ULK4: variants seen among roughly 807,000 people sequenced by gnomAD.
ULK4 encodes inactive serine/threonine-protein kinase ULK4.
A neutral mutation model predicts 160.6 loss-of-function variants in ULK4; 133 were observed. The observed-to-expected ratio is 0.83, with a 90% CI of 0.72 to 0.96. The LOEUF (loss-of-function observed/expected upper bound fraction) is 0.96. Ranked by LOEUF, ULK4 falls within the 40% of genes least tolerant of loss-of-function variation. The probability of loss-of-function intolerance (pLI) is 0.00; values close to 1 mark genes in which losing one functional copy is unlikely to be tolerated. For synonymous variants in ULK4, 534 were observed against 539.8 expected (o/e 0.99, Z 0.15); for missense variants, 1,580 against 1,499.5 (o/e 1.05, Z -0.89).
At position 41,883,921 on chromosome 3, in the gene ULK4, G is replaced by A. The variant is rs1432974073; in HGVS notation, c.1609C>T (p.Leu537=). The A allele has an allele frequency of 6.2e-7, 1 of 1,610,926 alleles. No individual in the cohort carries two copies. The highest frequency in any genetic ancestry group is 8.5e-7 in the Non-Finnish European group (1 of 1,176,970). The part of the protein sequence containing the change: ...RAKVAHVIGL[L]ASHTAELQEN... ...TGGAGCTCAGCTGTGTGCGAAGCCAGTAAACCAATTACGTGAGCAACCTTG... is the reference window on the plus strand; with the variant it reads ...TGGAGCTCAGCTGTGTGCGAAGCCAATAAACCAATTACGTGAGCAACCTTG... Residue 537 remains leucine, a synonymous_variant, in exon 17 of 37, where the codon CTG becomes TTG. Transcript: ENST00000301831.
chr3:41,375,407 G>T (rs555164638), intron 35 of ULK4, among the ~76,000 whole-genome samples: 1 of 149,730 alleles, frequency 6.7e-6, no homozygotes, highest in African/African-American at 2.5e-5. Flanking sequence ...ACCCAAAACG[G>T]CATGGTACTG....
At chr3:41,742,837 G>GTA (rs1205627530) in intron 22 of ULK4, among the ~76,000 whole-genome samples, 1 of 151,800 alleles carries the variant, frequency 6.6e-6, no homozygotes, top group African/African-American at 2.4e-5. Flanking sequence ...AAACCTCACT[G>GTA]GATAAGCTCA....
At position 41,716,309 on chromosome 3, in the gene ULK4, T is replaced by C. The variant is rs1185694993; in HGVS notation, c.2456-741A>G. Among the ~76,000 whole-genome samples, 6 of 150,430 alleles carry C rather than the reference T, an allele frequency of 4.0e-5. No homozygotes were observed. In the East Asian group the frequency reaches 9.7e-4, roughly 24 times the overall value. On this transcript the variant is annotated intron_variant, in intron 23 of 36. Transcript: ENST00000301831. ...CAACTATCAAAAAAAAGAGAATAGG[T>C]TGGAGGTAAAAAGAGGTCAATTCCC...
In ULK4 at chr3:41,901,169, C is replaced by CTTTTTTT. The variant is rs756499023; in HGVS notation, c.1183-341_1183-340insAAAAAAA. On this transcript the variant is annotated intron_variant, in intron 12 of 36. Transcript: ENST00000301831. ...AATTGGTTTTTCCATAACAGCATGG[C>CTTTTTTT]TTCTTTTTTTTTTTTTTTTTTTTTT... Among the ~76,000 whole-genome samples, 544 of 95,478 alleles carry CTTTTTTT rather than the reference C, an allele frequency of 5.7e-3. 20 individuals are homozygous for CTTTTTTT. The highest frequency in any genetic ancestry group is 8.1e-3 in the Non-Finnish European group (364 of 44,750). 62.6% of individuals were successfully genotyped at this position (95,478 alleles called of 152,430 possible). A position where few individuals can be genotyped will look rare whatever the true frequency, so the allele number is the denominator to read the frequency against.
chr3:41,849,317 T>C (rs1254951701), intron 17 of ULK4, among the ~76,000 whole-genome samples: 2 of 152,180 alleles, frequency 1.3e-5, no homozygotes, highest in East Asian at 3.8e-4. Context: ...AGAGAAGCAT[T>C]TGTATAGCAG....
intron 35 of ULK4, among the ~76,000 whole-genome samples, chr3:41,330,954 T>C (rs961674327): frequency 3.3e-5 from 5 of 152,192 alleles, no homozygotes; most frequent in African/African-American, 7.2e-5. Flanking sequence ...GCATTTGGCA[T>C]TGCAGTTTCC....
intron 17 of ULK4, among the ~76,000 whole-genome samples, chr3:41,872,516 T>G (rs1697134376): frequency 6.6e-6 from 1 of 152,176 alleles, no homozygotes; most frequent in East Asian, 1.9e-4. Flanking sequence ...ATGCCCTTGG[T>G]GTGAACTTAG....
chr3:41,306,142 C>G (rs1208431158), intron 35 of ULK4, among the ~76,000 whole-genome samples: 1 of 80,116 alleles, frequency 1.2e-5, no homozygotes, highest in Non-Finnish European at 2.5e-5. Context: ...GGGGGGGGGT[C>G]AGCCCCCCGC....
intron 31 of ULK4, among the ~76,000 whole-genome samples, chr3:41,603,801 A>T (rs1404679950): frequency 3.9e-5 from 6 of 152,150 alleles, no homozygotes; most frequent in African/African-American, 1.2e-4. Context: ...CAAAATAAAA[A>T]ATTTAAGAAA....
intron 35 of ULK4, among the ~76,000 whole-genome samples, chr3:41,360,249 TAAA>T: frequency 6.6e-6 from 1 of 152,246 alleles, no homozygotes; most frequent in Middle Eastern, 3.4e-3. Flanking sequence ...TGGCTACTAT[TAAA>T]AAGTCAAAAA....
chr3:41,508,363 G>A lies in ULK4; in HGVS notation c.3227-45110C>T, dbSNP rs372783408. 3.3e-4 allele frequency among the ~76,000 whole-genome samples: 51 copies of A among 152,252 alleles called. No individual in the cohort carries two copies. In the East Asian group the frequency reaches 8.1e-3, roughly 24 times the overall value. ...TCTTTCTCTGCCCACCCTGGTTGCT[G>A]AAAACAAAGGATATAATCTCTTGGG... On this transcript the variant is annotated intron_variant, in intron 32 of 36. Transcript: ENST00000301831.
intron 30 of ULK4, among the ~76,000 whole-genome samples, chr3:41,642,326 C>G (rs975601499): frequency 7.9e-5 from 12 of 152,056 alleles, no homozygotes; most frequent in African/African-American, 2.9e-4. Flanking sequence ...TCTCCTAATG[C>G]TATCCCTCCC....
intron 17 of ULK4, chr3:41,882,327 C>T (rs2125701996): frequency 1.4e-6 from 1 of 701,184 alleles, no homozygotes; most frequent in East Asian, 2.7e-5. Context: ...GGTGGTGATA[C>T]ATGCTGTGAA....
chr3:41,786,807 A>AGT (rs2040010157), intron 21 of ULK4, among the ~76,000 whole-genome samples: 1 of 152,122 alleles, frequency 6.6e-6, no homozygotes, highest in Non-Finnish European at 1.5e-5. Context: ...AACCCTGGAC[A>AGT]ATATATATAA....
At chr3:41,392,263 C>T (rs1373471693) in intron 35 of ULK4, among the ~76,000 whole-genome samples, 3 of 152,088 alleles carry the variant, frequency 2.0e-5, no homozygotes, top group Non-Finnish European at 4.4e-5. Flanking sequence ...ATAATTAAAT[C>T]GTTAGGTTTC....
rs181081280 is a variant in ULK4, at chr3:41,534,307, C to A, written c.3226+31718G>T. On this transcript the variant is annotated intron_variant, in intron 32 of 36. Coordinates refer to ENST00000301831, the MANE Select transcript of ULK4 (RefSeq NM_017886.4). ...GCGGTGCCACAGTTTTTTACTGTTG[C>A]AGTGTGTCATGTAAATCCATTATTC... 3.1e-3 allele frequency among the ~76,000 whole-genome samples: 470 copies of A among 152,244 alleles called. 4 individuals carry two copies. The highest frequency in any genetic ancestry group is 0.011 in the African/African-American group (455 of 41,544).
intron 16 of ULK4, among the ~76,000 whole-genome samples, chr3:41,891,485 G>GA (rs75147888): frequency 0.056 from 7,325 of 130,284 alleles, 421 homozygotes; most frequent in East Asian, 0.15. Context: ...ACAGAAGAGG[G>GA]AAAAAAAAAA....
chr3:41,264,370 G>A (rs2078994140), intron 35 of ULK4, among the ~76,000 whole-genome samples: 1 of 152,234 alleles, frequency 6.6e-6, no homozygotes, highest in South Asian at 2.1e-4. Context: ...GCCTTCCAAT[G>A]ACCCTTCAAT....
chr3:41,705,932 C>T (rs1372538990), intron 25 of ULK4, among the ~76,000 whole-genome samples: 2 of 152,104 alleles, frequency 1.3e-5, no homozygotes, highest in African/African-American at 4.8e-5. Context: ...TGGCACCTAA[C>T]CAGGGAAAAC....
Sources: gnomAD v4.1 joint callset for allele counts (sites outside exome capture counted in the v4.1 genomes callset) on GRCh38, gnomAD v4.1.1 for gene constraint, MANE v1.5 for transcripts, NCBI Gene and HGNC (gene_info 2026-07-23, HGNC 2026-07-21) for gene names.